Variants in OSGIN2 observed in about 807,000 individuals in gnomAD.
OSGIN2 encodes oxidative stress-induced growth inhibitor 2.
A neutral mutation model predicts 53.8 loss-of-function variants in OSGIN2; 19 were observed. That is an observed-to-expected ratio of 0.35 (90% CI 0.25 to 0.52). The LOEUF is 0.52. OSGIN2 is among the 20% of genes least tolerant of loss of function. OSGIN2 has a pLI of 0.95. For synonymous variants in OSGIN2, 236 were observed against 236.0 expected (o/e 1.00, Z 0.00); for missense variants, 520 against 662.7 (o/e 0.78, Z 2.36).
chr8:89,923,510 T>C (rs1054547708), intron 5 of OSGIN2, among the ~76,000 whole-genome samples: 8 of 152,210 alleles, frequency 5.3e-5, no homozygotes, highest in Non-Finnish European at 1.0e-4. Flanking sequence ...AAACTATACT[T>C]TGGGTACCAA....
intron 3 of OSGIN2, 24 bp downstream of exon 3, chr8:89,914,237 T>TA (rs759823712): frequency 7.1e-6 from 11 of 1,546,058 alleles, no homozygotes; most frequent in African/African-American, 1.4e-5. Context: ...CATGTCAATT[T>TA]AAAAAATTTT....
At chr8:89,916,110 A>G (rs537025716) in intron 4 of OSGIN2, among the ~76,000 whole-genome samples, 8 of 152,288 alleles carry the variant, frequency 5.3e-5, no homozygotes, top group African/African-American at 1.9e-4. Context: ...CTTAATTTTA[A>G]AAAAAGCCAT....
At chr8:89,915,858 A>G (rs1452130588) in intron 4 of OSGIN2, among the ~76,000 whole-genome samples, 4 of 152,160 alleles carry the variant, frequency 2.6e-5, no homozygotes, top group African/African-American at 9.7e-5. Context: ...TTCTTTTAAA[A>G]TCTTTATTCT....
chr8:89,924,571 T>A lies in OSGIN2; in HGVS notation c.689T>A (p.Met230Lys). ...TACTATAAACATTATGTAAAAGTCA[T>A]GGGTCTTCAGAAGAATTTCAGAGAG... The part of the protein sequence containing the change: ...ARYYKHYVKV[M>K]GLQKNFRENT... Residue 230 changes from methionine (M) to lysine (K), a missense_variant, in exon 6 of 6, where the codon ATG becomes AAG. Around this residue, in one of 3 missense-constraint regions of OSGIN2, gnomAD observed 78 missense variants for 59.1 expected, o/e 1.32. Transcript: ENST00000451899. 6 of 1,613,900 alleles carry A rather than the reference T, an allele frequency of 3.7e-6. No individual in the cohort carries two copies. Among genetic ancestry groups the A allele is most frequent in the Non-Finnish European group, 5.1e-6 (6 of 1,179,816 alleles).
At chr8:89,922,848 G>GTA (rs1165856274) in intron 5 of OSGIN2, among the ~76,000 whole-genome samples, 1 of 152,114 alleles carries the variant, frequency 6.6e-6, no homozygotes, top group Admixed American at 6.5e-5. Context: ...AGGCTATAGG[G>GTA]TATAGCCTGT....
At chr8:89,917,118 C>T (rs1050369784) in intron 4 of OSGIN2, among the ~76,000 whole-genome samples, 2 of 152,142 alleles carry the variant, frequency 1.3e-5, no homozygotes, top group African/African-American at 2.4e-5. Flanking sequence ...AATAATTTTA[C>T]CTCTACAAAC....
intron 2 of OSGIN2, among the ~76,000 whole-genome samples, chr8:89,911,639 A>AAAAAAAAG (rs1170397879): frequency 6.6e-6 from 1 of 150,622 alleles, no homozygotes; most frequent in African/African-American, 2.5e-5. Flanking sequence ...AAAAAAAAAA[A>AAAAAAAAG]AAAAAGAAAA....
At chr8:89,916,302 A>G (rs1809077813) in intron 4 of OSGIN2, among the ~76,000 whole-genome samples, 1 of 152,212 alleles carries the variant, frequency 6.6e-6, no homozygotes, top group Non-Finnish European at 1.5e-5. Context: ...GATTACTAAA[A>G]ACACATTTTG....
intron 5 of OSGIN2, 37 bp downstream of exon 5, chr8:89,921,208 G>T: frequency 8.2e-7 from 1 of 1,219,534 alleles, no homozygotes; most frequent in Non-Finnish European, 1.2e-6. Context: ...TTTGGTGTAC[G>T]TTGAAAAAGA....
rs1276611265 is a variant in OSGIN2 at position 89,924,664 on chromosome 8, A to G, written c.782A>G (p.Asp261Gly). The G allele has an allele frequency of 1.2e-6, 2 of 1,614,164 alleles. No individual in the cohort carries two copies. Among genetic ancestry groups the G allele is most frequent in the South Asian group, 1.1e-5 (1 of 91,088 alleles). Residue 261 changes from aspartate to glycine, a missense_variant, in exon 6 of 6, where the codon GAT becomes GGT. Transcript: ENST00000451899. ...GATGATGATGATATTCAAGACAGAG[A>G]TATTTCAACAAAGCATTTACAGATA... is the stretch of plus-strand genomic sequence containing the variant. ...DQDDDDIQDR[D>G]ISTKHLQIEK...
Position 89,926,616 on chromosome 8 carries a change from T to G in OSGIN2, c.*1084T>G, listed in dbSNP as rs1169972119. ...ATGACATAGCAGCTCATATCATGGT[T>G]GTTTATTGGATTTATCTGTTCTAAT... On this transcript the variant is annotated 3_prime_UTR_variant, in exon 6 of 6. Transcript: ENST00000451899. 6.6e-6 allele frequency: 1 copy of G among 152,408 alleles called. No individual in the cohort carries two copies. The highest frequency in any genetic ancestry group is 1.5e-5 in the Non-Finnish European group (1 of 68,022). 9.4% of individuals were successfully genotyped at this position (152,408 alleles called of 1,614,324 possible). A position where few individuals can be genotyped will look rare whatever the true frequency, so the allele number is the denominator to read the frequency against.
chr8:89,921,444 TTTAG>T (rs1161165171), intron 5 of OSGIN2: 2 of 302,498 alleles, frequency 6.6e-6, no homozygotes, highest in Non-Finnish European at 6.1e-6. Context: ...TCACTCTCTG[TTTAG>T]TTACTTTCTC....
At chr8:89,924,047 T>A (rs963638293) in intron 5 of OSGIN2, among the ~76,000 whole-genome samples, 1 of 152,116 alleles carries the variant, frequency 6.6e-6, no homozygotes, top group South Asian at 2.1e-4. Context: ...GTACTAAAAT[T>A]CATGTCAAGA....
chr8:89,925,492 A>C lies in OSGIN2; in HGVS notation c.1610A>C (p.His537Pro), dbSNP rs746197056. The change falls in exon 6 of 6, where the codon CAT becomes CCT. Residue 537 changes from histidine (H) to proline (P), a missense_variant. Around this residue, in one of 3 missense-constraint regions of OSGIN2, gnomAD observed 239 missense variants for 328.3 expected, o/e 0.73. Transcript: ENST00000451899. ...RCLATRQKKK[H>P]LFVERGGGDG... ...TTAGCTACAAGACAGAAGAAAAAGC[A>C]TTTGTTTGTTGAAAGAGGAGGAGGA... 4.5e-5 allele frequency: 73 copies of C among 1,613,682 alleles called. No homozygotes were observed. The highest frequency in any genetic ancestry group is 5.5e-5 in the Non-Finnish European group (65 of 1,179,718).
intron 1 of OSGIN2, among the ~76,000 whole-genome samples, chr8:89,908,653 CTAAAG>C (rs1563464704): frequency 1.3e-5 from 2 of 151,970 alleles, no homozygotes; most frequent in South Asian, 4.1e-4. Flanking sequence ...GGATTCTATT[CTAAAG>C]TAATCTGTTG....
chr8:89,915,645 T>C (rs917421063), intron 4 of OSGIN2, among the ~76,000 whole-genome samples: 1 of 152,224 alleles, frequency 6.6e-6, no homozygotes, highest in Non-Finnish European at 1.5e-5. Flanking sequence ...GTTATACAAA[T>C]TGATGTTAAG....
At chr8:89,913,338 G>A (rs1809010633) in intron 2 of OSGIN2, among the ~76,000 whole-genome samples, 1 of 152,204 alleles carries the variant, frequency 6.6e-6, no homozygotes, top group Non-Finnish European at 1.5e-5. Flanking sequence ...GGCCTTTGAA[G>A]CTAGAAGCAA....
At chr8:89,902,430 G>A (rs2130681602), upstream of OSGIN2, 1 of 152,020 alleles carries the variant, frequency 6.6e-6, no homozygotes, top group Admixed American at 6.5e-5. Flanking sequence ...CCGGCCCCTC[G>A]CCCGGGCCGT....
At chr8:89,909,450 T>G in intron 1 of OSGIN2, 117 bp from the exon 2 acceptor site, 1 of 572,732 alleles carries the variant, frequency 1.7e-6, no homozygotes, top group Non-Finnish European at 2.7e-6. Flanking sequence ...TTTTCTTTGC[T>G]TCTTTTATGG....
Sources: gnomAD v4.1 joint callset for allele counts (sites outside exome capture counted in the v4.1 genomes callset) on GRCh38, gnomAD v4.1.1 for gene constraint, gnomAD v4.1.1 regional missense constraint, MANE v1.5 for transcripts, NCBI Gene and HGNC (gene_info 2026-07-23, HGNC 2026-07-21) for gene names.